Variants in SNRNP40 observed in about 807,000 individuals in gnomAD.
SNRNP40 encodes the protein small nuclear ribonucleoprotein U5 subunit 40, also known as U5 small nuclear ribonucleoprotein 40 kDa protein.
SNRNP40 carries 21 observed loss-of-function variants against 45.8 expected under a neutral mutation model. That is an observed-to-expected ratio of 0.46 (90% CI 0.32 to 0.66). The LOEUF is 0.66. SNRNP40 is among the 30% of genes least tolerant of loss of function. The pLI is 0.03. For synonymous variants in SNRNP40, 142 were observed against 163.8 expected (o/e 0.87, Z 1.01); for missense variants, 344 against 439.1 (o/e 0.78, Z 1.94).
At chr1:31,283,334 G>C (rs1646033643) in intron 4 of SNRNP40, among the ~76,000 whole-genome samples, 1 of 152,236 alleles carries the variant, frequency 6.6e-6, no homozygotes, top group African/African-American at 2.4e-5. Context: ...CGGGCATGGT[G>C]GCTTACACCT....
intron 8 of SNRNP40, among the ~76,000 whole-genome samples, chr1:31,264,289 C>G (rs1177762497): frequency 6.6e-6 from 1 of 152,238 alleles, no homozygotes; most frequent in Non-Finnish European, 1.5e-5. Context: ...GAAGCAGGAA[C>G]TCCATCTGTC....
chr1:31,284,105 C>T (rs1175186390), intron 4 of SNRNP40, among the ~76,000 whole-genome samples: 1 of 152,134 alleles, frequency 6.6e-6, no homozygotes, highest in Non-Finnish European at 1.5e-5. Context: ...TGCCTATAGT[C>T]CCAGCTACTT....
chr1:31,278,189 C>T (rs998672805), intron 5 of SNRNP40, among the ~76,000 whole-genome samples: 1 of 152,082 alleles, frequency 6.6e-6, no homozygotes, highest in Non-Finnish European at 1.5e-5. Flanking sequence ...TTGAGGCTAG[C>T]TTCTTTTATT....
At chr1:31,285,018 A>G (rs1235828839) in intron 4 of SNRNP40, among the ~76,000 whole-genome samples, 1 of 152,170 alleles carries the variant, frequency 6.6e-6, no homozygotes, top group Non-Finnish European at 1.5e-5. Flanking sequence ...TTGTCTCAAT[A>G]GATACTTCAC....
intron 5 of SNRNP40, among the ~76,000 whole-genome samples, chr1:31,280,664 A>C (rs933819245): frequency 6.6e-6 from 1 of 152,194 alleles, no homozygotes. Flanking sequence ...TGCAGGCCCA[A>C]AATAATACAT....
chr1:31,282,701 ACT>A (rs1466891348), intron 4 of SNRNP40, among the ~76,000 whole-genome samples: 1 of 149,876 alleles, frequency 6.7e-6, no homozygotes, highest in African/African-American at 2.5e-5. Context: ...CTAGGGACAG[ACT>A]CTCCCTCTGT....
chr1:31,287,828 C>A (rs1294754320), intron 4 of SNRNP40, among the ~76,000 whole-genome samples: 2 of 152,132 alleles, frequency 1.3e-5, no homozygotes, highest in Non-Finnish European at 2.9e-5. Flanking sequence ...TGAACCCCTG[C>A]CTCTACTGAA....
chr1:31,293,432 G>A lies in SNRNP40; in HGVS notation c.142-84C>T. 3 of 1,364,956 alleles carry A rather than the reference G, an allele frequency of 2.2e-6. No individual in the cohort carries two copies. In the South Asian group the frequency reaches 4.4e-5, roughly 20 times the overall value. The allele number at this position is 1,364,956 out of a possible 1,614,324, so 84.6% of individuals were successfully genotyped here. ...TAGGGGGTGGGGAGTGGAGGGAAAA[G>A]ACCAAGAAAACAATGATTAAGTGGG... is the stretch of plus-strand genomic sequence containing the variant. On this transcript the variant is annotated intron_variant, in intron 1 of 9. Transcript: ENST00000263694.
chr1:31,279,408 T>A (rs981970920), intron 5 of SNRNP40, among the ~76,000 whole-genome samples: 1 of 152,234 alleles, frequency 6.6e-6, no homozygotes, highest in African/African-American at 2.4e-5. Flanking sequence ...CACTATGTGT[T>A]AGATAATGAT....
chr1:31,267,946 G>C lies in SNRNP40; in HGVS notation c.859-14C>G. The stretch of plus-strand genomic sequence containing the variant: ...TCTCAGAAGGTTCTATGATAAACAA[G>C]AATCCACTGAATAGTAATATACCAA... On this transcript the variant is annotated splice_polypyrimidine_tract_variant and intron_variant, in intron 7 of 9. Coordinates refer to ENST00000263694, the MANE Select transcript of SNRNP40 (RefSeq NM_004814.3). 1 of 1,591,522 alleles carries C rather than the reference G, an allele frequency of 6.3e-7. No individual in the cohort carries two copies. The highest frequency in any genetic ancestry group is 2.2e-5 in the East Asian group (1 of 44,746).
Position 31,269,199 on chromosome 1 carries a change from A to G in SNRNP40, c.817T>C (p.Cys273Arg). 10 of 1,612,542 alleles carry G rather than the reference A, an allele frequency of 6.2e-6. No individual in the cohort carries two copies. Among genetic ancestry groups the G allele is most frequent in the Non-Finnish European group, 8.5e-6 (10 of 1,179,524 alleles). Residue 273 changes from cysteine (C) to arginine (R), a missense_variant, in exon 7 of 10, where the codon TGT becomes CGT. By Grantham distance (180) the Cys-to-Arg change is radical. Coordinates refer to ENST00000263694, the MANE Select transcript of SNRNP40 (RefSeq NM_004814.3). ...ACATTTCCTTGAAATATCTTTACAC[A>G]TCTCTCTTTGGGGGCAAATGGCCGG... ...DVRPFAPKER[C>R]VKIFQGNVHN...
intron 8 of SNRNP40, among the ~76,000 whole-genome samples, chr1:31,265,818 C>T (rs552395439): frequency 4.0e-5 from 6 of 151,072 alleles, no homozygotes; most frequent in African/African-American, 1.5e-4. Context: ...CCAGCCTGGG[C>T]GACAGAGTGA....
intron 5 of SNRNP40, 68 bp from the exon 6 acceptor site, chr1:31,271,567 G>T: frequency 2.7e-6 from 4 of 1,494,578 alleles, no homozygotes; most frequent in Non-Finnish European, 3.6e-6. Flanking sequence ...TGACACAAGA[G>T]ACAAGAGTCA....
At chr1:31,269,463 A>G in intron 6 of SNRNP40, 3 of 1,105,902 alleles carry the variant, frequency 2.7e-6, no homozygotes, top group Non-Finnish European at 3.6e-6. Flanking sequence ...GGGGGCAGGA[A>G]GGAAAAATGT....
At position 31,260,108 on chromosome 1, in the gene SNRNP40, C is replaced by T. The variant is rs768393390; in HGVS notation, c.1038G>A (p.Ser346=). ...CTCCCATATACAGTCTCTTGTCACT[C>T]GATGCTGAGATAACTGAGGTAAAAA... ...HPDEPIIISA[S]SDKRLYMGEI... Residue 346 remains serine (S), a synonymous_variant, in exon 10 of 10, where the codon TCG becomes TCA. Coordinates refer to ENST00000263694, the MANE Select transcript of SNRNP40 (RefSeq NM_004814.3). The T allele has an allele frequency of 5.1e-5, 82 of 1,601,586 alleles. No individual in the cohort carries two copies. Among genetic ancestry groups the T allele is most frequent in the Non-Finnish European group, 6.3e-5 (74 of 1,173,634 alleles).
rs1464401717 is a variant in SNRNP40, at chr1:31,269,187, A to T, written c.829T>A (p.Phe277Ile). Residue 277 changes from phenylalanine to isoleucine, a missense_variant, in exon 7 of 10, where the codon TTT becomes ATT. Physicochemically the swap from Phe to Ile is conservative, Grantham distance 21. Coordinates refer to ENST00000263694, the MANE Select transcript of SNRNP40 (RefSeq NM_004814.3). ...TCAAAGTTGTGCACATTTCCTTGAA[A>T]TATCTTTACACATCTCTCTTTGGGG... ...FAPKERCVKI[F>I]QGNVHNFEKN... 1.2e-6 allele frequency: 2 copies of T among 1,608,920 alleles called. No individual in the cohort carries two copies. The highest frequency in any genetic ancestry group is 1.7e-6 in the Non-Finnish European group (2 of 1,178,488).
chr1:31,296,740 C>A lies in SNRNP40; in HGVS notation c.12G>T (p.Gln4His). 3.1e-6 allele frequency: 5 copies of A among 1,607,910 alleles called. No homozygotes were observed. The highest frequency in any genetic ancestry group is 4.2e-6 in the Non-Finnish European group (5 of 1,177,568). The change falls in exon 1 of 10, where the codon CAG becomes CAT. Residue 4 changes from glutamine (Q) to histidine (H), a missense_variant. Physicochemically the swap from Gln to His is conservative, Grantham distance 24. Coordinates refer to ENST00000263694, the MANE Select transcript of SNRNP40 (RefSeq NM_004814.3). Reference sequence around the variant, plus strand: ...GCAACTCTGGGCCCTTACGCTTCTGCTGTTCTATCATGGCGGCAACCGGTC... The same window carrying A: ...GCAACTCTGGGCCCTTACGCTTCTGATGTTCTATCATGGCGGCAACCGGTC... MIE[Q>H]QKRKGPELPL...
chr1:31,291,913 C>G lies in SNRNP40; in HGVS notation c.365G>C (p.Ser122Thr), dbSNP rs1416019869. The change falls in exon 3 of 10, where the codon AGT becomes ACT. Residue 122 changes from serine to threonine, a missense_variant and splice_region_variant. By Grantham distance (58) the Ser-to-Thr change is moderately conservative. This residue lies in a region of SNRNP40 where 254 missense variants were observed against 380.2 expected (regional missense o/e 0.67). Coordinates refer to ENST00000263694, the MANE Select transcript of SNRNP40 (RefSeq NM_004814.3). ...VMELHYNTDG[S>T]MLFSASTDKT... Reference sequence around the variant, plus strand: ...TCCTTCCATTATGCAGAATACTCACCTGCCATCTGTGTTGTAATGCAATTC... The same window carrying G: ...TCCTTCCATTATGCAGAATACTCACGTGCCATCTGTGTTGTAATGCAATTC... 4.4e-6 allele frequency: 7 copies of G among 1,597,160 alleles called. No homozygotes were observed. Among genetic ancestry groups the G allele is most frequent in the Non-Finnish European group, 6.0e-6 (7 of 1,164,654 alleles).
At chr1:31,294,864 C>T (rs1411984133) in intron 1 of SNRNP40, among the ~76,000 whole-genome samples, 1 of 151,132 alleles carries the variant, frequency 6.6e-6, no homozygotes, top group African/African-American at 2.4e-5. Flanking sequence ...ATCGCTTGAA[C>T]CCGGGTGGCG....
Sources: gnomAD v4.1 joint callset for allele counts (sites outside exome capture counted in the v4.1 genomes callset) on GRCh38, gnomAD v4.1.1 for gene constraint, gnomAD v4.1.1 regional missense constraint, MANE v1.5 for transcripts, NCBI Gene and HGNC (gene_info 2026-07-23, HGNC 2026-07-21) for gene names.